The following DAPK2 variants were observed in gnomAD, a reference collection of about 807,000 sequenced individuals.
DAPK2 encodes death associated protein kinase 2.
Under a neutral mutation model 44.1 loss-of-function variants are expected in DAPK2, and 35 were observed. The ratio of observed to expected loss-of-function variants is 0.79; its 90% CI spans 0.61 to 1.05. The LOEUF (loss-of-function observed/expected upper bound fraction) is 1.05, where lower values mean the gene tolerates loss of function less well. DAPK2 is among the 50% of genes least tolerant of loss of function. The probability of loss-of-function intolerance (pLI) is 0.00; values close to 1 mark genes in which losing one functional copy is unlikely to be tolerated. For missense variants in DAPK2, 453 were observed against 483.2 expected (o/e 0.94, Z 0.59); for synonymous variants, 174 against 182.6 (o/e 0.95, Z 0.38).
intron 3 of DAPK2, among the ~76,000 whole-genome samples, chr15:63,968,507 A>G (rs1428677443): frequency 6.6e-6 from 1 of 152,092 alleles, no homozygotes; most frequent in Non-Finnish European, 1.5e-5. Flanking sequence ...TATTAACAGA[A>G]CTGTACTCAC....
intron 1 of DAPK2, among the ~76,000 whole-genome samples, chr15:64,027,350 C>T (rs1267312463): frequency 6.6e-6 from 1 of 152,030 alleles, no homozygotes; most frequent in Non-Finnish European, 1.5e-5. Context: ...TGCCACTGCA[C>T]TCCAGACTGG....
intron 3 of DAPK2, among the ~76,000 whole-genome samples, chr15:63,968,495 T>C (rs973517628): frequency 6.6e-6 from 1 of 152,188 alleles, no homozygotes; most frequent in Non-Finnish European, 1.5e-5. Flanking sequence ...TGCTGGACAA[T>C]TTATTAACAG....
At chr15:63,911,249 A>G (rs897043028) in intron 10 of DAPK2, 2 of 151,540 alleles carry the variant, frequency 1.3e-5, no homozygotes, top group African/African-American at 2.4e-5. Context: ...AAAAAGAAGA[A>G]GAAGAAGAGG....
intron 3 of DAPK2, among the ~76,000 whole-genome samples, chr15:63,948,804 CAT>C (rs975768927): frequency 1.1e-4 from 17 of 152,220 alleles, no homozygotes; most frequent in African/African-American, 2.7e-4. Flanking sequence ...AAAGAAGTCA[CAT>C]GTGTCTCATT....
rs1392400558 is a variant in DAPK2, at chr15:64,002,774, A to C, written c.93-19020T>G. ...AATTCAGGGGGCCTTTGTGCCCCCA[A>C]CTCACCCAATAAACTCACTGATATC... On this transcript the variant is annotated intron_variant, in intron 1 of 10. Coordinates refer to ENST00000261891, the Ensembl canonical transcript of DAPK2. 5.9e-5 allele frequency among the ~76,000 whole-genome samples: 9 copies of C among 152,252 alleles called. No individual in the cohort carries two copies. In the East Asian group the frequency reaches 1.5e-3, roughly 26 times the overall value.
At chr15:64,012,149 C>T (rs2079405386) in intron 1 of DAPK2, among the ~76,000 whole-genome samples, 1 of 152,158 alleles carries the variant, frequency 6.6e-6, no homozygotes, top group Non-Finnish European at 1.5e-5. Context: ...ACTGTCACTA[C>T]CCCTCACTGC....
At chr15:63,956,803 G>A (rs1036206241) in intron 3 of DAPK2, among the ~76,000 whole-genome samples, 15 of 152,136 alleles carry the variant, frequency 9.9e-5, no homozygotes, top group South Asian at 2.1e-4. Context: ...TAGCCAGAAC[G>A]GTCTCAATCT....
intron 3 of DAPK2, among the ~76,000 whole-genome samples, chr15:63,969,530 A>G (rs1595822961): frequency 6.6e-6 from 1 of 152,090 alleles, no homozygotes; most frequent in East Asian, 1.9e-4. Context: ...ACTTGAGCCC[A>G]GGAGCTCAAG....
At chr15:64,037,164 G>A (rs1004196323) in intron 1 of DAPK2, among the ~76,000 whole-genome samples, 3 of 152,108 alleles carry the variant, frequency 2.0e-5, no homozygotes, top group Non-Finnish European at 4.4e-5. Context: ...ACTCTGTGTT[G>A]GCAGGGAATT....
chr15:63,917,308 A>C lies in DAPK2; in HGVS notation c.859-5111T>G, dbSNP rs1474533024. The C allele has an allele frequency of 1.3e-5, 2 of 151,736 alleles. No individual in the cohort carries two copies. The highest frequency in any genetic ancestry group is 2.9e-5 in the Non-Finnish European group (2 of 68,000). 9.4% of individuals were successfully genotyped at this position (151,736 alleles called of 1,614,324 possible). ...AACCTGGAAGATGGAGGTTGCAGTG[A>C]GCCAAGATCGCGCCATTGCACTCCA... is the stretch of plus-strand genomic sequence containing the variant. On this transcript the variant is annotated intron_variant, in intron 8 of 10. Transcript: ENST00000261891. This position sits in a 1 kb window ranked among gnomAD's most constrained non-coding sequence, Gnocchi z 4.4.
At chr15:64,006,886 G>A (rs566588446) in intron 1 of DAPK2, among the ~76,000 whole-genome samples, 42 of 152,276 alleles carry the variant, frequency 2.8e-4, no homozygotes, top group African/African-American at 1.0e-3. Flanking sequence ...TAGCCAAGAA[G>A]GAAGTAGACA....
At chr15:63,970,272 C>T (rs1217531066) in intron 3 of DAPK2, among the ~76,000 whole-genome samples, 1 of 152,222 alleles carries the variant, frequency 6.6e-6, no homozygotes, top group Non-Finnish European at 1.5e-5. Context: ...CTGGCTTCTT[C>T]CCCAGCCACT....
At chr15:63,925,712 A>G (rs935267590) in intron 7 of DAPK2, among the ~76,000 whole-genome samples, 14 of 150,888 alleles carry the variant, frequency 9.3e-5, no homozygotes, top group African/African-American at 3.5e-4. Context: ...ACACACACAC[A>G]CACACACACA....
chr15:63,925,889 C>A, intron 7 of DAPK2, 52 bp downstream of exon 8: 6 of 1,610,330 alleles, frequency 3.7e-6, no homozygotes, highest in Non-Finnish European at 4.2e-6. Flanking sequence ...TTGACAGAGG[C>A]GACAGGAAGG....
chr15:64,044,012 A>T (rs2080404805), upstream of DAPK2, among the ~76,000 whole-genome samples: 1 of 152,168 alleles, frequency 6.6e-6, no homozygotes, highest in Admixed American at 6.5e-5. Flanking sequence ...ACCTCTCCTA[A>T]GGCGAATTTG....
At chr15:63,953,213 G>A (rs994623641) in intron 3 of DAPK2, among the ~76,000 whole-genome samples, 1 of 142,982 alleles carries the variant, frequency 7.0e-6, no homozygotes, top group Non-Finnish European at 1.5e-5. Context: ...TTCCACTTAT[G>A]AGTGAGAACA....
At chr15:64,021,065 C>T (rs1391780729) in intron 1 of DAPK2, among the ~76,000 whole-genome samples, 5 of 152,184 alleles carry the variant, frequency 3.3e-5, no homozygotes, top group Admixed American at 3.3e-4. Flanking sequence ...TAAAGAAAGC[C>T]ACAACCCTGA....
Position 63,936,181 on chromosome 15 carries a change from G to A in DAPK2, c.583+3051C>T, listed in dbSNP as rs1191047127. ...TTTGCTAGTCTCTAACTGAAGTGGC[G>A]ACAAGTGCACTTGCCTCTAGTGGAG... is the stretch of plus-strand genomic sequence containing the variant. On this transcript the variant is annotated intron_variant, in intron 4 of 10. Coordinates refer to ENST00000261891, the Ensembl canonical transcript of DAPK2. 2.6e-5 allele frequency among the ~76,000 whole-genome samples: 4 copies of A among 152,104 alleles called. No homozygotes were observed. In the South Asian group the frequency reaches 6.2e-4, roughly 24 times the overall value.
intron 1 of DAPK2, chr15:63,991,253 G>C (rs1176882234): frequency 2.2e-6 from 1 of 456,356 alleles, no homozygotes; most frequent in South Asian, 1.5e-5. Context: ...AGTGCGCTGG[G>C]AACTAGATGG....
Sources: gnomAD v4.1 joint callset for allele counts (sites outside exome capture counted in the v4.1 genomes callset) on GRCh38, gnomAD v4.1.1 for gene constraint, Gnocchi (gnomAD v3.1) non-coding constraint, MANE v1.5 for transcripts, NCBI Gene and HGNC (gene_info 2026-07-23, HGNC 2026-07-21) for gene names.